MAP1S: variants seen among roughly 807,000 people sequenced by gnomAD.
MAP1S encodes microtubule associated protein 1S.
MAP1S carries 27 observed loss-of-function variants against 60.9 expected under a neutral mutation model. The ratio of observed to expected loss-of-function variants is 0.44; its 90% confidence interval spans 0.33 to 0.61. MAP1S has a LOEUF of 0.61. MAP1S is among the 20% of genes least tolerant of loss of function. MAP1S has a pLI of 0.03. For missense variants in MAP1S, 1,608 were observed against 1,486.6 expected, an observed-to-expected ratio of 1.08 and a Z score of -1.34; for synonymous variants, 826 against 694.2, an observed-to-expected ratio of 1.19 and a Z score of -2.98.
At chr19:17,724,488 C>T (rs936124084) in intron 3 of MAP1S, among the ~76,000 whole-genome samples, 2 of 152,154 alleles carry the variant, frequency 1.3e-5, no homozygotes, top group Admixed American at 1.3e-4. Flanking sequence ...AAGGCCAGAG[C>T]AGACAGGTTT....
intron 5 of MAP1S, among the ~76,000 whole-genome samples, chr19:17,731,172 G>A (rs2080490443): frequency 6.6e-6 from 1 of 152,110 alleles, no homozygotes; most frequent in Non-Finnish European, 1.5e-5. Context: ...TAAGATTATA[G>A]ATGTGAGTCA....
At chr19:17,733,086 T>G in intron 5 of MAP1S, 107 bp from the exon 6 acceptor site, 2 of 695,474 alleles carry the variant, frequency 2.9e-6, no homozygotes, top group East Asian at 2.8e-5. Context: ...AGTTCAGGCC[T>G]CCTGCTGAGG....
At chr19:17,730,981 C>T (rs1488705970) in intron 5 of MAP1S, among the ~76,000 whole-genome samples, 1 of 151,376 alleles carries the variant, frequency 6.6e-6, no homozygotes, top group Non-Finnish European at 1.5e-5. Context: ...ACCTCCGCCT[C>T]CCGGGTTCAA....
At position 17,727,827 on chromosome 19, in the gene MAP1S, G is replaced by A. The variant is rs2080454842; in HGVS notation, c.2443G>A (p.Gly815Ser). Residue 815 changes from glycine (G) to serine (S), a missense_variant, in exon 5 of 7, where the codon GGC (glycine) becomes AGC (serine). Physicochemically the swap from Gly to Ser is moderately conservative, Grantham distance 56. Coordinates refer to ENST00000324096, the MANE Select transcript of MAP1S (RefSeq NM_018174.6). The surrounding 1 kb of genome is among the most constrained non-coding windows in gnomAD (Gnocchi z 4.1). ...GAADSDEDTEGFGVPRHDPLP... is the reference protein window; with the variant it reads ...GAADSDEDTESFGVPRHDPLP... The stretch of plus-strand genomic sequence containing the variant: ...GGCAGACTCAGACGAAGACACAGAG[G>A]GCTTTGGAGTCCCTCGCCACGACCC... The A allele has an allele frequency of 1.2e-6, 2 of 1,613,256 alleles. No individual in the cohort carries two copies. The highest frequency in any genetic ancestry group is 3.3e-5 in the Admixed American group (2 of 59,970).
At chr19:17,731,141 C>T (rs189295435) in intron 5 of MAP1S, among the ~76,000 whole-genome samples, 24 of 152,052 alleles carry the variant, frequency 1.6e-4, no homozygotes, top group Admixed American at 4.6e-4. Context: ...GTGATCTGCC[C>T]GCCTCGGCCT....
At chr19:17,720,468 T>C in intron 1 of MAP1S, 1 of 1,529,598 alleles carries the variant, frequency 6.5e-7, no homozygotes, top group Non-Finnish European at 8.7e-7. Flanking sequence ...AGTGAGGAGA[T>C]GGAACAAGCT....
intron 2 of MAP1S, among the ~76,000 whole-genome samples, chr19:17,723,803 A>G (rs545623292): frequency 6.6e-6 from 1 of 152,126 alleles, no homozygotes; most frequent in Admixed American, 6.5e-5. Flanking sequence ...TGCAGTGAGC[A>G]GAGATTGCAC....
intron 5 of MAP1S, among the ~76,000 whole-genome samples, chr19:17,732,277 T>C (rs1316766173): frequency 1.3e-5 from 2 of 152,210 alleles, no homozygotes; most frequent in Non-Finnish European, 2.9e-5. Context: ...TTTGTGTTTC[T>C]AGGAATGTGT....
intron 3 of MAP1S, 147 bp downstream of exon 3, chr19:17,724,355 G>A: frequency 3.0e-6 from 2 of 660,096 alleles, no homozygotes; most frequent in African/African-American, 1.8e-5. Context: ...AGCCTTCCCT[G>A]TGGCTTCAGC....
chr19:17,724,473 G>T (rs1021306718), intron 3 of MAP1S, among the ~76,000 whole-genome samples: 1 of 152,164 alleles, frequency 6.6e-6, no homozygotes, highest in Non-Finnish European at 1.5e-5. Flanking sequence ...GGGTCTGGAG[G>T]TGGGAAGGCC....
chr19:17,725,314 GCAGT>G lies in MAP1S; in HGVS notation c.444+126_444+129del. 4.2e-6 allele frequency: 5 copies of G among 1,197,148 alleles called. No individual in the cohort carries two copies. The highest frequency in any genetic ancestry group is 5.8e-6 in the Non-Finnish European group (5 of 867,846). The allele number at this position is 1,197,148 out of a possible 1,614,324, so 74.2% of individuals were successfully genotyped here. On this transcript the variant is annotated intron_variant, in intron 4 of 6. Transcript: ENST00000324096. This position sits in a 1 kb window ranked among gnomAD's most constrained non-coding sequence, Gnocchi z 4.2. ...TGGTCTCCCCATCCTCTGTAGGATG[GCAGT>G]GGTGACACATGCCTCCTGGCTGTCT...
chr19:17,728,108 G>T lies in MAP1S; in HGVS notation c.2724G>T (p.Lys908Asn). The T allele has an allele frequency of 6.2e-7, 1 of 1,612,338 alleles. No homozygotes were observed. The highest frequency in any genetic ancestry group is 8.5e-7 in the Non-Finnish European group (1 of 1,179,506). ...PLSARSEPSEKGGRAPLSRKS... is the reference protein window; with the variant it reads ...PLSARSEPSENGGRAPLSRKS... ...GTGCCCGGAGTGAGCCCAGTGAGAA[G>T]GGAGGCCGGGCACCCCTGTCCAGAA... The change falls in exon 5 of 7, where the codon AAG becomes AAT. Residue 908 changes from lysine (K) to asparagine (N), a missense_variant. By Grantham distance (94) the Lys-to-Asn change is moderately conservative (BLOSUM62 0). Around this residue, in one of 4 missense-constraint regions of MAP1S, gnomAD observed 1,167 missense variants for 961.4 expected, o/e 1.21. Transcript: ENST00000324096.
chr19:17,733,075 G>A (rs2080505783), intron 5 of MAP1S, 118 bp from the exon 6 acceptor site: 3 of 644,332 alleles, frequency 4.7e-6, no homozygotes, highest in Non-Finnish European at 7.9e-6. Context: ...AGAAAACTCT[G>A]AGTTCAGGCC....
chr19:17,733,331 A>T lies in MAP1S; in HGVS notation c.2927A>T (p.Tyr976Phe). The T allele has an allele frequency of 3.1e-6, 5 of 1,608,954 alleles. No homozygotes were observed. Among genetic ancestry groups the T allele is most frequent in the Non-Finnish European group, 4.2e-6 (5 of 1,178,484 alleles). ...EFFQRVRALC[Y>F]VISGQDQRKE... Reference sequence around the variant, plus strand: ...TTCCAGCGCGTGCGCGCGCTCTGCTACGTCATCAGTGGCCAGGACCAGCGC... The same window carrying T: ...TTCCAGCGCGTGCGCGCGCTCTGCTTCGTCATCAGTGGCCAGGACCAGCGC... Residue 976 changes from tyrosine (Y) to phenylalanine (F), a missense_variant, in exon 6 of 7, where the codon TAC becomes TTC. Transcript: ENST00000324096.
At position 17,726,610 on chromosome 19, in the gene MAP1S, T is replaced by C; in HGVS notation, c.1226T>C (p.Leu409Pro). The C allele has an allele frequency of 6.4e-7, 1 of 1,571,718 alleles. No individual in the cohort carries two copies. The highest frequency in any genetic ancestry group is 8.6e-7 in the Non-Finnish European group (1 of 1,163,210). ...CCCTCCGCCGGCGCCGAGCGCACGC[T>C]GGCCTCTGTGTGCGCCCTGCTGGTG... ...HPPSAGAERTLASVCALLVWH... is the reference protein window; with the variant it reads ...HPPSAGAERTPASVCALLVWH... The change falls in exon 5 of 7, where the codon CTG becomes CCG. Residue 409 changes from leucine to proline, a missense_variant. This residue lies in a region of MAP1S where 1,167 missense variants were observed against 961.4 expected (regional missense o/e 1.21). Transcript: ENST00000324096.
Position 17,727,519 on chromosome 19 carries a change from C to T in MAP1S, c.2135C>T (p.Thr712Ile). 1 of 1,610,906 alleles carries T rather than the reference C, an allele frequency of 6.2e-7. No homozygotes were observed. The highest frequency in any genetic ancestry group is 8.5e-7 in the Non-Finnish European group (1 of 1,179,544). The change falls in exon 5 of 7, where the codon ACC (threonine) becomes ATC (isoleucine). Residue 712 changes from threonine (T) to isoleucine (I), a missense_variant. Transcript: ENST00000324096. This position sits in a 1 kb window ranked among gnomAD's most constrained non-coding sequence, Gnocchi z 4.1. ...FEQVLPPSAPTSEAGLSLPLR... is the reference protein window; with the variant it reads ...FEQVLPPSAPISEAGLSLPLR... ...CAGGTGCTGCCGCCATCCGCCCCCA[C>T]CAGTGAGGCTGGGCTGAGCCTCCCG...
Position 17,727,705 on chromosome 19 carries a change from C to T in MAP1S, c.2321C>T (p.Ala774Val). 5 of 1,608,560 alleles carry T rather than the reference C, an allele frequency of 3.1e-6. No homozygotes were observed. Among genetic ancestry groups the T allele is most frequent in the Non-Finnish European group, 4.2e-6 (5 of 1,178,500 alleles). Reference sequence around the variant, plus strand: ...AGCAGTGCCCGGTCACAGGAACGGGCAGGTGGGCTGGGGGCCGAGGAGACG... The same window carrying T: ...AGCAGTGCCCGGTCACAGGAACGGGTAGGTGGGCTGGGGGCCGAGGAGACG... Reference protein sequence around the residue: ...NDSSARSQERAGGLGAEETPP... With the variant: ...NDSSARSQERVGGLGAEETPP... Residue 774 changes from alanine (A) to valine (V), a missense_variant, in exon 5 of 7, where the codon GCA becomes GTA. By Grantham distance (64) the Ala-to-Val change is moderately conservative. Coordinates refer to ENST00000324096, the MANE Select transcript of MAP1S (RefSeq NM_018174.6). This position sits in a 1 kb window ranked among gnomAD's most constrained non-coding sequence, Gnocchi z 4.1.
At chr19:17,729,800 T>C (rs2080477012) in intron 5 of MAP1S, among the ~76,000 whole-genome samples, 1 of 151,892 alleles carries the variant, frequency 6.6e-6, no homozygotes, top group African/African-American at 2.4e-5. Context: ...GTAGCTGAGA[T>C]TACAGGCATG....
chr19:17,733,702 C>G (rs1482037611), intron 6 of MAP1S, among the ~76,000 whole-genome samples: 2 of 152,190 alleles, frequency 1.3e-5, no homozygotes, highest in Non-Finnish European at 2.9e-5. Flanking sequence ...TGTCACTTAG[C>G]CATTGTTCCG....
Sources: allele counts gnomAD v4.1 joint callset (sites outside exome capture counted in the v4.1 genomes callset), GRCh38; gene constraint gnomAD v4.1.1; regional missense constraint gnomAD v4.1.1; non-coding constraint Gnocchi (gnomAD v3.1); transcripts MANE v1.5; gene names NCBI Gene and HGNC (gene_info 2026-07-23, HGNC 2026-07-21).